The following HIBCH variants were observed in gnomAD, a reference collection of about 807,000 sequenced individuals.
The protein encoded by HIBCH is 3-hydroxyisobutyryl-CoA hydrolase.
A neutral mutation model predicts 58.2 loss-of-function variants in HIBCH; 50 were observed. That is an observed-to-expected ratio of 0.86 (90% confidence interval 0.68 to 1.09). The LOEUF is 1.09. HIBCH is among the 50% of genes least tolerant of loss of function. HIBCH has a pLI of 0.00. For missense variants in HIBCH, 450 were observed against 449.7 expected (o/e 1.00, Z -0.01); for synonymous variants, 151 against 146.9 (o/e 1.03, Z -0.20).
intron 6 of HIBCH, among the ~76,000 whole-genome samples, chr2:190,276,610 C>G (rs1234655933): frequency 6.6e-6 from 1 of 152,194 alleles, no homozygotes; most frequent in Admixed American, 6.5e-5. Context: ...CTCTCTTTCT[C>G]ACTCCCTCTC....
At chr2:190,299,161 C>T (rs1050750552) in intron 2 of HIBCH, among the ~76,000 whole-genome samples, 9 of 151,988 alleles carry the variant, frequency 5.9e-5, no homozygotes, top group Non-Finnish European at 1.3e-4. Flanking sequence ...TGGAGAATGC[C>T]AATTAAAACT....
chr2:190,261,930 T>C (rs1181882138), intron 6 of HIBCH, among the ~76,000 whole-genome samples: 2 of 151,672 alleles, frequency 1.3e-5, no homozygotes, highest in Admixed American at 6.6e-5. Context: ...GAACTAGGGA[T>C]TGGCAATGGA....
intron 2 of HIBCH, among the ~76,000 whole-genome samples, chr2:190,300,011 T>C (rs1575759608): frequency 2.6e-5 from 4 of 152,342 alleles, no homozygotes; most frequent in Admixed American, 2.6e-4. Flanking sequence ...TTCTTTTTTA[T>C]GGCTGTATAG....
intron 11 of HIBCH, among the ~76,000 whole-genome samples, chr2:190,228,372 C>T (rs1055893797): frequency 3.8e-5 from 5 of 131,440 alleles, no homozygotes; most frequent in Non-Finnish European, 7.7e-5. Flanking sequence ...GGACACAGAG[C>T]GGGGAACACC....
Position 190,313,157 on chromosome 2 carries a change from G to A in HIBCH, c.36-2361C>T, listed in dbSNP as rs1575767660. Among the ~76,000 whole-genome samples, 3 of 152,168 alleles carry A rather than the reference G, an allele frequency of 2.0e-5. No individual in the cohort carries two copies. The East Asian group carries it at 5.8e-4, about 29-fold the overall frequency. On this transcript the variant is annotated intron_variant, in intron 1 of 13. Coordinates refer to ENST00000359678, the MANE Select transcript of HIBCH (RefSeq NM_014362.4). Reference sequence around the variant, plus strand: ...CTTCATGCCTCCTTGCTTTGTGCTAGTAACTCTTTGTTAAGCCCTATCCTA... The same window carrying A: ...CTTCATGCCTCCTTGCTTTGTGCTAATAACTCTTTGTTAAGCCCTATCCTA...
rs1250436328 is a variant in HIBCH, at chr2:190,206,403, G to A, written c.1046-1171C>T. ...AATCTCTCTCACTCTAAGTCTTCTG[G>A]TCAATACTACCTGTCTCCTTGAGAT... On this transcript the variant is annotated intron_variant, in intron 13 of 13. Transcript: ENST00000359678. The surrounding 1 kb of genome is among the most constrained non-coding windows in gnomAD (Gnocchi z 5.1). 6.6e-6 allele frequency among the ~76,000 whole-genome samples: 1 copy of A among 152,116 alleles called. No homozygotes were observed. The highest frequency in any genetic ancestry group is 2.4e-5 in the African/African-American group (1 of 41,434).
chr2:190,264,565 TCTTA>T (rs1575734835), intron 6 of HIBCH, among the ~76,000 whole-genome samples: 2 of 152,234 alleles, frequency 1.3e-5, no homozygotes, highest in Non-Finnish European at 1.5e-5. Flanking sequence ...TATATTACTA[TCTTA>T]CTTCTTTCAG....
chr2:190,305,212 G>A (rs889874999), intron 2 of HIBCH, among the ~76,000 whole-genome samples: 13 of 152,100 alleles, frequency 8.5e-5, no homozygotes, highest in African/African-American at 2.9e-4. Context: ...TTAAGGAAAC[G>A]TTTGACAGAG....
rs1363090575 is a variant in HIBCH at position 190,304,223 on chromosome 2, A to G, written c.78+6531T>C. 6.6e-6 allele frequency among the ~76,000 whole-genome samples: 1 copy of G among 150,824 alleles called. No homozygotes were observed. Among genetic ancestry groups the G allele is most frequent in the African/African-American group, 2.4e-5 (1 of 40,882 alleles). ...CCTTAGTTAAGTTTCTGTTGCTCACACCAGAATACCTGAAACTGTGTAATT... is the reference window on the plus strand; with the variant it reads ...CCTTAGTTAAGTTTCTGTTGCTCACGCCAGAATACCTGAAACTGTGTAATT... On this transcript the variant is annotated intron_variant, in intron 2 of 13. Coordinates refer to ENST00000359678, the MANE Select transcript of HIBCH (RefSeq NM_014362.4). The surrounding 1 kb of genome is among the most constrained non-coding windows in gnomAD (Gnocchi z 4.1).
At position 190,195,945 on chromosome 2, in the gene HIBCH, T is replaced by C. The variant is rs200964691; in HGVS notation, c.*18-5948A>G. Among the ~76,000 whole-genome samples, 164 of 101,014 alleles carry C rather than the reference T, an allele frequency of 1.6e-3. 1 individual carries two copies. The highest frequency in any genetic ancestry group is 6.4e-3 in the Admixed American group (48 of 7,518). 66.3% of individuals were successfully genotyped at this position (101,014 alleles called of 152,430 possible). A position where few individuals can be genotyped will look rare whatever the true frequency, so the allele number is the denominator to read the frequency against. On this transcript the variant is annotated intron_variant, in intron 1 of 1. Transcript: ENST00000399855. ...GGGTTTAAGAACTGTGTCCAGCTTT[T>C]TTTTTTTTTTTTTTTTTGGCATATG...
chr2:190,289,145 A>G (rs1035122852), intron 5 of HIBCH, among the ~76,000 whole-genome samples: 1 of 152,058 alleles, frequency 6.6e-6, no homozygotes, highest in Non-Finnish European at 1.5e-5. Context: ...TAAAATAAAA[A>G]TAAACTTATG....
chr2:190,318,237 G>A (rs1339546331), intron 1 of HIBCH, among the ~76,000 whole-genome samples: 5 of 150,526 alleles, frequency 3.3e-5, no homozygotes, highest in Non-Finnish European at 7.4e-5. Context: ...CCCTAAGACA[G>A]ATGATTTGGG....
intron 10 of HIBCH, 79 bp from the exon 11 acceptor site, chr2:190,245,047 C>T (rs1192847623): frequency 1.1e-6 from 1 of 892,458 alleles, no homozygotes; most frequent in East Asian, 2.4e-5. Context: ...TGAACATAGG[C>T]TTTCCCCCAC....
intron 8 of HIBCH, chr2:190,251,566 CG>C: frequency 2.3e-6 from 1 of 436,264 alleles, no homozygotes; most frequent in South Asian, 1.7e-5. Context: ...ATTCTGCAGA[CG>C]GGAAAATGGG....
chr2:190,282,611 G>A (rs939364017), intron 6 of HIBCH, among the ~76,000 whole-genome samples: 3 of 152,034 alleles, frequency 2.0e-5, no homozygotes, highest in Non-Finnish European at 4.4e-5. Context: ...CTCAACATGG[G>A]TTTTGGTGGG....
At chr2:190,299,294 T>C (rs867086574) in intron 2 of HIBCH, among the ~76,000 whole-genome samples, 4 of 152,220 alleles carry the variant, frequency 2.6e-5, no homozygotes, top group Non-Finnish European at 5.9e-5. Flanking sequence ...ATATTTAATA[T>C]TGGAGTTAAT....
At chr2:190,258,917 A>T (rs1280918758) in intron 7 of HIBCH, among the ~76,000 whole-genome samples, 1 of 152,130 alleles carries the variant, frequency 6.6e-6, no homozygotes, top group Non-Finnish European at 1.5e-5. Context: ...TTTCTTGAAA[A>T]TCACTTAACT....
Position 190,209,932 on chromosome 2 carries a change from A to C in HIBCH, c.1012-1019T>G, listed in dbSNP as rs1690478910. 6.6e-6 allele frequency among the ~76,000 whole-genome samples: 1 copy of C among 152,174 alleles called. No homozygotes were observed. Among genetic ancestry groups the C allele is most frequent in the Non-Finnish European group, 1.5e-5 (1 of 68,030 alleles). ...TATATATCCATCCTAGGATTATTTT[A>C]ATCCACATCCAAGCACAGTGTCCGA... is the stretch of plus-strand genomic sequence containing the variant. On this transcript the variant is annotated intron_variant, in intron 12 of 13. Coordinates refer to ENST00000359678, the MANE Select transcript of HIBCH (RefSeq NM_014362.4). The surrounding 1 kb of genome is among the most constrained non-coding windows in gnomAD (Gnocchi z 5.6).
At position 190,236,454 on chromosome 2, in the gene HIBCH, A is replaced by G. The variant is rs1480617914; in HGVS notation, c.891+8433T>C. Among the ~76,000 whole-genome samples the G allele has an allele frequency of 1.3e-5, 2 of 152,208 alleles. No homozygotes were observed. Among genetic ancestry groups the G allele is most frequent in the Non-Finnish European group, 2.9e-5 (2 of 68,022 alleles). On this transcript the variant is annotated intron_variant, in intron 11 of 13. Coordinates refer to ENST00000359678, the MANE Select transcript of HIBCH (RefSeq NM_014362.4). This position sits in a 1 kb window ranked among gnomAD's most constrained non-coding sequence, Gnocchi z 4.1. ...AAATATTTTTCTAAGTAATCATCTT[A>G]AACCTTACAAACATATATCTATAAA... is the stretch of plus-strand genomic sequence containing the variant.
Sources: gnomAD v4.1 joint callset for allele counts (sites outside exome capture counted in the v4.1 genomes callset) on GRCh38, gnomAD v4.1.1 for gene constraint, Gnocchi (gnomAD v3.1) non-coding constraint, MANE v1.5 for transcripts, NCBI Gene and HGNC (gene_info 2026-07-23, HGNC 2026-07-21) for gene names.